FRK: variants seen among roughly 807,000 people sequenced by gnomAD.
FRK encodes the protein tyrosine-protein kinase FRK.
In FRK, 51 loss-of-function variants were observed where a neutral mutation model predicts 56.4. The observed-to-expected ratio is 0.90, with a 90% CI of 0.72 to 1.14. The LOEUF (loss-of-function observed/expected upper bound fraction) is 1.14. Among genes scored for constraint, FRK ranks in the 50% most tolerant of loss-of-function variants. The probability of loss-of-function intolerance (pLI) is 0.00; values close to 1 mark genes in which losing one functional copy is unlikely to be tolerated. For missense variants in FRK, 570 were observed against 601.4 expected, an observed-to-expected ratio of 0.95 and a Z score of 0.55; for synonymous variants, 245 against 217.9, an observed-to-expected ratio of 1.12 and a Z score of -1.10.
intron 2 of FRK, among the ~76,000 whole-genome samples, chr6:115,983,131 C>G (rs1184306836): frequency 6.6e-6 from 1 of 151,442 alleles, no homozygotes; most frequent in Non-Finnish European, 1.5e-5. Flanking sequence ...AAGCACTGTG[C>G]TAAGTGCTTT....
rs1772839958 is a variant in FRK, at chr6:115,953,178, C to T, written c.958+3274G>A. 1.9e-5 allele frequency among the ~76,000 whole-genome samples: 2 copies of T among 106,998 alleles called. 1 individual carries two copies. Among genetic ancestry groups the T allele is most frequent in the African/African-American group, 6.7e-5 (2 of 29,860 alleles). The allele number at this position is 106,998 out of a possible 152,430, so 70.2% of individuals were successfully genotyped here. A position where few individuals can be genotyped will look rare whatever the true frequency, so the allele number is the denominator to read the frequency against. On this transcript the variant is annotated intron_variant, in intron 5 of 7. Coordinates refer to ENST00000606080, the MANE Select transcript of FRK (RefSeq NM_002031.3). ...TAAGAGTGGTACATCCATTTTAAGG[C>T]CATTTTTTTTTTTTTTTTTTTTTTT...
At chr6:115,986,380 C>A (rs1047864340) in intron 2 of FRK, among the ~76,000 whole-genome samples, 2 of 152,030 alleles carry the variant, frequency 1.3e-5, no homozygotes, top group Non-Finnish European at 2.9e-5. Flanking sequence ...AGAGCCCAGT[C>A]GAGCCATGAC....
intron 6 of FRK, among the ~76,000 whole-genome samples, chr6:115,943,983 A>G (rs1187150957): frequency 6.6e-6 from 1 of 152,180 alleles, no homozygotes. Context: ...GTACTAACTG[A>G]AAAATAGATC....
Position 115,949,855 on chromosome 6 carries a change from C to T in FRK, c.959-5430G>A, listed in dbSNP as rs563351409. Among the ~76,000 whole-genome samples, 12 of 151,876 alleles carry T rather than the reference C, an allele frequency of 7.9e-5. No homozygotes were observed. The East Asian group carries it at 2.3e-3, about 29-fold the overall frequency. ...AGATATCTAGACCAACGGAACAGAACAGAGGCCTCAGAAATAACACCACAC... is the reference window on the plus strand; with the variant it reads ...AGATATCTAGACCAACGGAACAGAATAGAGGCCTCAGAAATAACACCACAC... On this transcript the variant is annotated intron_variant, in intron 5 of 7. Transcript: ENST00000606080.
At chr6:116,039,525 C>G in intron 1 of FRK, 1 of 1,282,982 alleles carries the variant, frequency 7.8e-7, no homozygotes, top group Non-Finnish European at 1.1e-6. Context: ...CCCTTCCTGC[C>G]AAGCCAGGGA....
chr6:116,054,481 T>TA (rs1300446680), intron 1 of FRK, among the ~76,000 whole-genome samples: 3 of 142,926 alleles, frequency 2.1e-5, no homozygotes, highest in Non-Finnish European at 4.6e-5. Context: ...ATATATAATA[T>TA]ATAATAGTAT....
At chr6:115,945,397 T>C (rs1047573539) in intron 5 of FRK, among the ~76,000 whole-genome samples, 1 of 152,134 alleles carries the variant, frequency 6.6e-6, no homozygotes, top group African/African-American at 2.4e-5. Context: ...TTTTTAATAA[T>C]GGCCATTCTG....
At chr6:116,083,227 G>A in the FRK span, among the ~76,000 whole-genome samples, 1 of 152,186 alleles carries the variant, frequency 6.6e-6, no homozygotes. Flanking sequence ...CAGTTTTTGT[G>A]GAATATTGAA....
intron 1 of FRK, among the ~76,000 whole-genome samples, chr6:116,025,158 G>A (rs986759083): frequency 6.6e-6 from 1 of 152,112 alleles, no homozygotes; most frequent in African/African-American, 2.4e-5. Flanking sequence ...GAATTAGTGA[G>A]GCCCCAGAAG....
rs145040449 is a variant in FRK, at chr6:115,973,136, C to T, written c.467-4397G>A. Among the ~76,000 whole-genome samples, 300 of 152,284 alleles carry T rather than the reference C, an allele frequency of 2.0e-3. 1 individual carries two copies. Among genetic ancestry groups the T allele is most frequent in the South Asian group, 0.012 (57 of 4,824 alleles). On this transcript the variant is annotated intron_variant, in intron 2 of 7. Coordinates refer to ENST00000606080, the MANE Select transcript of FRK (RefSeq NM_002031.3). ...ACTTTTTTGTGTATCTGGAACACAT[C>T]CTTGCACTCTGATTTGTCAAGCTAC...
In FRK at chr6:116,032,149, G is replaced by A. The variant is rs75531637; in HGVS notation, c.344+27819C>T. 7.6e-3 allele frequency among the ~76,000 whole-genome samples: 1,151 copies of A among 151,944 alleles called. 13 individuals are homozygous for A. The highest frequency in any genetic ancestry group is 0.026 in the African/African-American group (1,065 of 41,448). On this transcript the variant is annotated intron_variant, in intron 1 of 7. Coordinates refer to ENST00000606080, the MANE Select transcript of FRK (RefSeq NM_002031.3). Reference sequence around the variant, plus strand: ...AGATTCATCCACATATGGAGCACATGGAAGACAATAAATTTTTTCTGAGAA... The same window carrying A: ...AGATTCATCCACATATGGAGCACATAGAAGACAATAAATTTTTTCTGAGAA...
the FRK span, among the ~76,000 whole-genome samples, chr6:116,074,681 G>C: frequency 2.0e-5 from 3 of 152,074 alleles, no homozygotes; most frequent in Non-Finnish European, 4.4e-5. Flanking sequence ...TCTTTGCATA[G>C]AAGTCAGACG....
chr6:116,062,712 G>A (rs1777667759), upstream of FRK, among the ~76,000 whole-genome samples: 1 of 152,166 alleles, frequency 6.6e-6, no homozygotes, highest in African/African-American at 2.4e-5. Flanking sequence ...GGTGAGCAAT[G>A]GCCTGAGAAC....
chr6:116,049,975 T>A (rs543036557), intron 1 of FRK, among the ~76,000 whole-genome samples: 28 of 152,302 alleles, frequency 1.8e-4, no homozygotes, highest in Admixed American at 3.9e-4. Flanking sequence ...CACTCATTCT[T>A]CCAACTATTT....
intron 1 of FRK, chr6:116,039,255 G>A: frequency 6.7e-7 from 1 of 1,491,774 alleles, no homozygotes; most frequent in Non-Finnish European, 9.3e-7. Context: ...AGCCTGTGTG[G>A]GCCATTGGTA....
chr6:116,033,347 T>C (rs1329405157), intron 1 of FRK, among the ~76,000 whole-genome samples: 1 of 152,136 alleles, frequency 6.6e-6, no homozygotes, highest in African/African-American at 2.4e-5. Context: ...CACTTTCCCT[T>C]TAATATAAAA....
intron 1 of FRK, among the ~76,000 whole-genome samples, chr6:116,016,014 G>A (rs1472612951): frequency 6.6e-6 from 1 of 152,176 alleles, no homozygotes; most frequent in African/African-American, 2.4e-5. Flanking sequence ...ATTTTCTGGG[G>A]AGCAATTCAA....
intron 1 of FRK, among the ~76,000 whole-genome samples, chr6:116,025,004 C>G (rs1296096115): frequency 6.6e-6 from 1 of 152,134 alleles, no homozygotes; most frequent in East Asian, 1.9e-4. Flanking sequence ...ATTTGCATTT[C>G]TCTGATGGCC....
At chr6:115,976,236 T>C (rs1280676962) in intron 2 of FRK, among the ~76,000 whole-genome samples, 1 of 152,164 alleles carries the variant, frequency 6.6e-6, no homozygotes, top group Non-Finnish European at 1.5e-5. Flanking sequence ...TCTCTGCCAC[T>C]ATATAAAAGA....
Sources: allele counts gnomAD v4.1 joint callset (sites outside exome capture counted in the v4.1 genomes callset), GRCh38; gene constraint gnomAD v4.1.1; transcripts MANE v1.5; gene names NCBI Gene and HGNC (gene_info 2026-07-23, HGNC 2026-07-21).